The following PCDHA10 variants were observed in gnomAD, a reference collection of about 807,000 sequenced individuals.
The protein encoded by PCDHA10 is protocadherin alpha 10.
Under a neutral mutation model 61.2 loss-of-function variants are expected in PCDHA10, and 45 were observed. The observed-to-expected ratio is 0.74, with a 90% CI of 0.58 to 0.94. PCDHA10 has a LOEUF of 0.94. Among genes scored for constraint, PCDHA10 ranks in the 40% least tolerant of loss-of-function variants. The pLI is 0.00. For synonymous variants in PCDHA10, 602 were observed against 548.8 expected (o/e 1.10, Z -1.35); for missense variants, 1,278 against 1,236.2 (o/e 1.03, Z -0.51).
chr5:140,987,563 T>C (rs2097259374), intron 3 of PCDHA10, among the ~76,000 whole-genome samples: 1 of 152,226 alleles, frequency 6.6e-6, no homozygotes, highest in Non-Finnish European at 1.5e-5. Context: ...ATTCTCAGTT[T>C]CTTTCTCTAT....
intron 1 of PCDHA10, among the ~76,000 whole-genome samples, chr5:140,978,377 G>GT (rs1554239246): frequency 6.6e-6 from 1 of 152,212 alleles, no homozygotes; most frequent in Non-Finnish European, 1.5e-5. Context: ...GCAATAGTTT[G>GT]TTTTCCTCTC....
At chr5:140,883,024 A>G (rs782136244) in intron 1 of PCDHA10, 3 of 1,614,184 alleles carry the variant, frequency 1.9e-6, no homozygotes, top group Non-Finnish European at 2.5e-6. Context: ...TGACGGTGTT[A>G]GAGAACGCCT....
chr5:140,861,488 T>C lies in PCDHA10; in HGVS notation c.2388+3052T>C, dbSNP rs182152713. 8.2e-6 allele frequency: 4 copies of C among 489,384 alleles called. No individual in the cohort carries two copies. In the East Asian group the frequency reaches 1.8e-4, roughly 21 times the overall value. The allele number at this position is 489,384 out of a possible 1,614,324, so 30.3% of individuals were successfully genotyped here. A position where few individuals can be genotyped will look rare whatever the true frequency, so the allele number is the denominator to read the frequency against. On this transcript the variant is annotated intron_variant, in intron 1 of 3. Transcript: ENST00000307360. ...ATCTGCAGAATGGCATTTTTGTGAGTTCTCTGATAGACCTCGAGGAGCTGT... is the reference window on the plus strand; with the variant it reads ...ATCTGCAGAATGGCATTTTTGTGAGCTCTCTGATAGACCTCGAGGAGCTGT...
intron 1 of PCDHA10, chr5:140,871,024 T>C: frequency 6.2e-7 from 1 of 1,613,196 alleles, no homozygotes; most frequent in Non-Finnish European, 8.5e-7. Context: ...CGAGGCAGAC[T>C]CGCCGCGCCA....
intron 1 of PCDHA10, among the ~76,000 whole-genome samples, chr5:140,922,616 A>G (rs2080916487): frequency 6.6e-6 from 1 of 152,242 alleles, no homozygotes; most frequent in African/African-American, 2.4e-5. Context: ...TATTAAAACT[A>G]TGGTACACAT....
chr5:140,961,704 C>T (rs1381981839), intron 1 of PCDHA10, among the ~76,000 whole-genome samples: 1 of 152,086 alleles, frequency 6.6e-6, no homozygotes, highest in African/African-American at 2.4e-5. Flanking sequence ...GTATGAATGC[C>T]TTCATTTCTA....
Position 140,857,046 on chromosome 5 carries a change from G to T in PCDHA10, c.998G>T (p.Cys333Phe). 6.3e-7 allele frequency: 1 copy of T among 1,595,844 alleles called. No homozygotes were observed. The highest frequency in any genetic ancestry group is 8.6e-7 in the Non-Finnish European group (1 of 1,165,582). ...GGAAACCCACCTATGGTTGGTCACT[G>T]CACGGTCCTAGTGGAACTACTGGAT... Reference protein sequence around the residue: ...DKGNPPMVGHCTVLVELLDEN... With the variant: ...DKGNPPMVGHFTVLVELLDEN... The change falls in exon 1 of 4, where the codon TGC (cysteine) becomes TTC (phenylalanine). Residue 333 changes from cysteine (C) to phenylalanine (F), a missense_variant. Coordinates refer to ENST00000307360, the MANE Select transcript of PCDHA10 (RefSeq NM_018901.4).
chr5:140,953,467 C>T (rs952334269), intron 1 of PCDHA10, among the ~76,000 whole-genome samples: 1 of 152,090 alleles, frequency 6.6e-6, no homozygotes, highest in African/African-American at 2.4e-5. Context: ...AGAGTTTTAA[C>T]TTCCTCATGC....
chr5:140,946,457 C>T (rs1480427132), intron 1 of PCDHA10, among the ~76,000 whole-genome samples: 2 of 151,612 alleles, frequency 1.3e-5, no homozygotes, highest in Non-Finnish European at 3.0e-5. Flanking sequence ...AACTATCCAG[C>T]AATCCCACTA....
At position 140,963,044 on chromosome 5, in the gene PCDHA10, T is replaced by C. The variant is rs144557802; in HGVS notation, c.2389-15905T>C. On this transcript the variant is annotated intron_variant, in intron 1 of 3. Transcript: ENST00000307360. The stretch of plus-strand genomic sequence containing the variant: ...AAGCAATTAACATTTATTGAGAGTC[T>C]ATAAGGGTTTCTACATTGTGAAGGA... Among the ~76,000 whole-genome samples the C allele has an allele frequency of 9.3e-4, 141 of 152,294 alleles. 1 individual carries two copies. Among genetic ancestry groups the C allele is most frequent in the African/African-American group, 2.9e-3 (121 of 41,576 alleles).
intron 1 of PCDHA10, among the ~76,000 whole-genome samples, chr5:140,966,009 G>A (rs2153745631): frequency 6.6e-6 from 1 of 152,278 alleles, no homozygotes; most frequent in South Asian, 2.1e-4. Flanking sequence ...AGTGTCCAGG[G>A]AAGATGTGGG....
intron 1 of PCDHA10, chr5:140,884,652 G>A (rs2060303446): frequency 6.2e-7 from 1 of 1,603,582 alleles, no homozygotes; most frequent in Non-Finnish European, 8.5e-7. Flanking sequence ...GACTCAGAAT[G>A]CTTGAAAGAG....
At chr5:140,914,065 C>CTCCA (rs2076587155) in intron 1 of PCDHA10, among the ~76,000 whole-genome samples, 1 of 152,106 alleles carries the variant, frequency 6.6e-6, no homozygotes. Flanking sequence ...GGATGAAATG[C>CTCCA]TCCATAACTA....
chr5:140,981,026 A>T (rs1300851844), intron 2 of PCDHA10, among the ~76,000 whole-genome samples: 3 of 152,088 alleles, frequency 2.0e-5, no homozygotes, highest in Admixed American at 6.5e-5. Flanking sequence ...GGCTGTTAAT[A>T]TTTGGGGAAA....
At chr5:140,884,679 A>C (rs782535862) in intron 1 of PCDHA10, 12 of 1,551,914 alleles carry the variant, frequency 7.7e-6, no homozygotes, top group Non-Finnish European at 8.7e-6. Context: ...TTATATTTTA[A>C]AAAATTGTCT....
chr5:140,950,862 A>G (rs2094526538), intron 1 of PCDHA10, among the ~76,000 whole-genome samples: 1 of 151,952 alleles, frequency 6.6e-6, no homozygotes, highest in African/African-American at 2.4e-5. Context: ...ATATTCTTGT[A>G]TATTCTATAT....
In PCDHA10 at chr5:141,011,948, A is replaced by G. The variant is rs1011232437; in HGVS notation, c.*2011A>G. ...TAGGAGTCTGTTATTTAAAAAAAGC[A>G]TTAAATTTAAAAAAAAACTGTCTTG... On this transcript the variant is annotated 3_prime_UTR_variant, in exon 4 of 4. Transcript: ENST00000307360. 3 of 153,698 alleles carry G rather than the reference A, an allele frequency of 2.0e-5. No homozygotes were observed. The highest frequency in any genetic ancestry group is 4.4e-5 in the Non-Finnish European group (3 of 68,026). The allele number at this position is 153,698 out of a possible 1,614,324, so 9.5% of individuals were successfully genotyped here.
intron 2 of PCDHA10, among the ~76,000 whole-genome samples, chr5:140,979,979 T>C (rs1007546118): frequency 6.6e-6 from 1 of 152,194 alleles, no homozygotes; most frequent in African/African-American, 2.4e-5. Flanking sequence ...ATGCATTAGA[T>C]TGAAATAAAT....
chr5:140,882,119 T>C, intron 1 of PCDHA10: 1 of 1,438,056 alleles, frequency 7.0e-7, no homozygotes, highest in South Asian at 1.4e-5. Context: ...AGCCGCCGTT[T>C]CTTTCTTCCT....
Sources: allele counts gnomAD v4.1 joint callset (sites outside exome capture counted in the v4.1 genomes callset), GRCh38; gene constraint gnomAD v4.1.1; transcripts MANE v1.5; gene names NCBI Gene and HGNC (gene_info 2026-07-23, HGNC 2026-07-21).